Variants in SCUBE3 observed in about 807,000 individuals in gnomAD.
The protein encoded by SCUBE3 is signal peptide, CUB domain and EGF like domain containing 3, also known as signal peptide, CUB and EGF-like domain-containing protein 3.
In SCUBE3, 33 loss-of-function variants were observed where a neutral mutation model predicts 116.8. The observed-to-expected ratio is 0.28, with a 90% CI of 0.21 to 0.38. The LOEUF (loss-of-function observed/expected upper bound fraction) is 0.38. Ranked by LOEUF, SCUBE3 falls within the 10% of genes least tolerant of loss-of-function variation. The probability of loss-of-function intolerance (pLI) is 1.00; values close to 1 mark genes in which losing one functional copy is unlikely to be tolerated. For synonymous variants in SCUBE3, 418 were observed against 496.9 expected (o/e 0.84, Z 2.11); for missense variants, 1,007 against 1,324.8 (o/e 0.76, Z 3.72).
At chr6:35,230,233 A>G (rs1367339646) in intron 3 of SCUBE3, among the ~76,000 whole-genome samples, 2 of 152,228 alleles carry the variant, frequency 1.3e-5, no homozygotes, top group Non-Finnish European at 2.9e-5. Context: ...AGACCAGGAC[A>G]GTGAGTTGCC....
In SCUBE3 at chr6:35,245,829, T is replaced by C; in HGVS notation, c.2600-115T>C. On this transcript the variant is annotated intron_variant, in intron 19 of 21. Transcript: ENST00000274938. This position sits in a 1 kb window ranked among gnomAD's most constrained non-coding sequence, Gnocchi z 4.2. ...GTGTGTGTATGCGAAGGGGGAGCCT[T>C]TGTCAGAATGATTCTCTTGCCCTAT... The C allele has an allele frequency of 8.9e-7, 1 of 1,118,988 alleles. No homozygotes were observed. Among genetic ancestry groups the C allele is most frequent in the South Asian group, 1.5e-5 (1 of 67,548 alleles). The allele number at this position is 1,118,988 out of a possible 1,614,324, so 69.3% of individuals were successfully genotyped here.
chr6:35,214,922 C>A lies in SCUBE3; in HGVS notation c.85+419C>A, dbSNP rs962925505. Among the ~76,000 whole-genome samples the A allele has an allele frequency of 1.3e-5, 2 of 152,220 alleles. No homozygotes were observed. Among genetic ancestry groups the A allele is most frequent in the Non-Finnish European group, 2.9e-5 (2 of 68,034 alleles). The stretch of plus-strand genomic sequence containing the variant: ...AACTTTTCAGCCGTGCCGTATATTT[C>A]TTTCCCTTACCCCCAACCCGCATGC... On this transcript the variant is annotated intron_variant, in intron 1 of 21. Transcript: ENST00000274938. This position sits in a 1 kb window ranked among gnomAD's most constrained non-coding sequence, Gnocchi z 6.3.
chr6:35,214,475 C>G lies in SCUBE3; in HGVS notation c.57C>G (p.Arg19=). 1 of 1,507,272 alleles carries G rather than the reference C, an allele frequency of 6.6e-7. No individual in the cohort carries two copies. The highest frequency in any genetic ancestry group is 8.8e-7 in the Non-Finnish European group (1 of 1,132,344). 93.4% of individuals were successfully genotyped at this position (1,507,272 alleles called of 1,614,324 possible). ...TGCTTGTCCTGCTGGTCCACGCCCG[C>G]GCCGCCCAGTACAGCAAAGCCGCGC... The part of the protein sequence containing the change: ...LCLLVLLVHA[R]AAQYSKAAQD... The change falls in exon 1 of 22, where the codon CGC becomes CGG. Residue 19 remains arginine, a synonymous_variant. Coordinates refer to ENST00000274938, the MANE Select transcript of SCUBE3 (RefSeq NM_152753.4). The surrounding 1 kb of genome is among the most constrained non-coding windows in gnomAD (Gnocchi z 6.3).
At position 35,243,748 on chromosome 6, in the gene SCUBE3, G is replaced by A. The variant is rs374527981; in HGVS notation, c.2064G>A (p.Thr688=). The change falls in exon 16 of 22, where the codon ACG becomes ACA. Residue 688 remains threonine (T), a synonymous_variant. Coordinates refer to ENST00000274938, the MANE Select transcript of SCUBE3 (RefSeq NM_152753.4). This position sits in a 1 kb window ranked among gnomAD's most constrained non-coding sequence, Gnocchi z 6.6. Reference sequence around the variant, plus strand: ...CTCTTGGAGCCACCAACGTCACCACGTGTGCAGGTGCCAGGGGAACAAACA... The same window carrying A: ...CTCTTGGAGCCACCAACGTCACCACATGTGCAGGTGCCAGGGGAACAAACA... ...HGPLGATNVT[T]CAGQCPPGQH... is the part of the protein sequence containing the mutation. The A allele has an allele frequency of 2.5e-5, 40 of 1,613,812 alleles. No individual in the cohort carries two copies. Among genetic ancestry groups the A allele is most frequent in the South Asian group, 1.4e-4 (13 of 91,068 alleles).
rs1783423534 is a variant in SCUBE3 at position 35,228,859 on chromosome 6, G to A, written c.334+120G>A. 2.8e-6 allele frequency: 3 copies of A among 1,075,088 alleles called. No homozygotes were observed. 66.6% of individuals were successfully genotyped at this position (1,075,088 alleles called of 1,614,324 possible). Reference sequence around the variant, plus strand: ...ATCAAGAAGAGCTACATTCACAAGAGAATAAGGTCAGCCTCCCCTTTGAGA... The same window carrying A: ...ATCAAGAAGAGCTACATTCACAAGAAAATAAGGTCAGCCTCCCCTTTGAGA... On this transcript the variant is annotated intron_variant, in intron 3 of 21. Transcript: ENST00000274938. The surrounding 1 kb of genome is among the most constrained non-coding windows in gnomAD (Gnocchi z 4.9).
In SCUBE3 at chr6:35,221,624, G is replaced by C. The variant is rs143334145; in HGVS notation, c.86-5956G>C. 16 of 151,052 alleles carry C rather than the reference G, an allele frequency of 1.1e-4. No homozygotes were observed. In the East Asian group the frequency reaches 2.4e-3, roughly 22 times the overall value. 9.4% of individuals were successfully genotyped at this position (151,052 alleles called of 1,614,324 possible). A position where few individuals can be genotyped will look rare whatever the true frequency, so the allele number is the denominator to read the frequency against. ...TCCCCAGCACCTAGCACGGTGCTTC[G>C]CATGTTGGAGGTGCTCAATAACTAT... is the stretch of plus-strand genomic sequence containing the variant. On this transcript the variant is annotated intron_variant, in intron 1 of 21. Coordinates refer to ENST00000274938, the MANE Select transcript of SCUBE3 (RefSeq NM_152753.4).
Position 35,231,026 on chromosome 6 carries a change from C to G in SCUBE3, c.335-699C>G, listed in dbSNP as rs1783527200. On this transcript the variant is annotated intron_variant, in intron 3 of 21. Coordinates refer to ENST00000274938, the MANE Select transcript of SCUBE3 (RefSeq NM_152753.4). This position sits in a 1 kb window ranked among gnomAD's most constrained non-coding sequence, Gnocchi z 4.2. ...CTACTGTTCTCCCTGCCCCCCACCC[C>G]CACCATCTAGGGTGTGGCCTGGCAG... 6.6e-6 allele frequency among the ~76,000 whole-genome samples: 1 copy of G among 152,152 alleles called. No homozygotes were observed. The highest frequency in any genetic ancestry group is 2.4e-5 in the African/African-American group (1 of 41,442).
At position 35,242,793 on chromosome 6, in the gene SCUBE3, G is replaced by A. The variant is rs1219773257; in HGVS notation, c.1693+13G>A. On this transcript the variant is annotated intron_variant, in intron 14 of 21. Transcript: ENST00000274938. ...GAAGAAACCACAGGTGGGACTGGGG[G>A]CACTGTTGGGAAGAGGACTGGAAGG... 3.1e-6 allele frequency: 5 copies of A among 1,611,362 alleles called. No homozygotes were observed. Among genetic ancestry groups the A allele is most frequent in the Admixed American group, 3.3e-5 (2 of 59,946 alleles).
rs762119513 is a variant in SCUBE3 at position 35,244,188 on chromosome 6, C to T, written c.2239+58C>T. 275 of 1,482,792 alleles carry T rather than the reference C, an allele frequency of 1.9e-4. 1 individual carries two copies. Among genetic ancestry groups the T allele is most frequent in the Admixed American group, 2.7e-4 (14 of 51,926 alleles). The allele number at this position is 1,482,792 out of a possible 1,614,324, so 91.9% of individuals were successfully genotyped here. A position where few individuals can be genotyped will look rare whatever the true frequency, so the allele number is the denominator to read the frequency against. ...CCCAACCCCAACTACTCCCAAAAAA[C>T]TCTCCAATTTCCCAGAGGGGACACT... On this transcript the variant is annotated intron_variant, in intron 17 of 21. Transcript: ENST00000274938. The surrounding 1 kb of genome is among the most constrained non-coding windows in gnomAD (Gnocchi z 4.3).
Position 35,243,631 on chromosome 6 carries a change from G to A in SCUBE3, c.1947G>A (p.Thr649=), listed in dbSNP as rs1227744868. 14 of 1,613,906 alleles carry A rather than the reference G, an allele frequency of 8.7e-6. No individual in the cohort carries two copies. The highest frequency in any genetic ancestry group is 4.5e-5 in the East Asian group (2 of 44,878). The change falls in exon 16 of 22, where the codon ACG becomes ACA. Residue 649 remains threonine, a synonymous_variant. Transcript: ENST00000274938. This position sits in a 1 kb window ranked among gnomAD's most constrained non-coding sequence, Gnocchi z 6.6. ...CPQGTYYHGQ[T]EQCVPCPAGT... is the part of the protein sequence containing the mutation. Reference sequence around the variant, plus strand: ...AGGGAACGTATTACCACGGCCAGACGGAGCAGTGTGTGCCATGCCCAGCGG... The same window carrying A: ...AGGGAACGTATTACCACGGCCAGACAGAGCAGTGTGTGCCATGCCCAGCGG...
chr6:35,215,573 A>C (rs1782852701), intron 1 of SCUBE3, among the ~76,000 whole-genome samples: 1 of 152,218 alleles, frequency 6.6e-6, no homozygotes. Context: ...GCTGGGCCAG[A>C]AGGAAAGTTG....
chr6:35,218,233 C>G, intron 1 of SCUBE3: 3 of 679,596 alleles, frequency 4.4e-6, no homozygotes, highest in Non-Finnish European at 5.4e-6. Context: ...CATTCACACA[C>G]GTGTGAATGT....
At position 35,243,093 on chromosome 6, in the gene SCUBE3, A is replaced by G; in HGVS notation, c.1766A>G (p.Lys589Arg). 1 of 1,614,194 alleles carries G rather than the reference A, an allele frequency of 6.2e-7. No homozygotes were observed. Among genetic ancestry groups the G allele is most frequent in the Non-Finnish European group, 8.5e-7 (1 of 1,180,036 alleles). Residue 589 changes from lysine to arginine, a missense_variant, in exon 15 of 22, where the codon AAG becomes AGG. Lys to Arg is a conservative substitution (Grantham distance 26). Coordinates refer to ENST00000274938, the MANE Select transcript of SCUBE3 (RefSeq NM_152753.4). This position sits in a 1 kb window ranked among gnomAD's most constrained non-coding sequence, Gnocchi z 6.6. ...AAAGGATCCCTGAAGATGCTCAGAA[A>G]GTCCATCAACCAGGACCGCTTCCTG... is the stretch of plus-strand genomic sequence containing the variant. The part of the protein sequence containing the change: ...RLKGSLKMLR[K>R]SINQDRFLLR...
chr6:35,235,545 G>T lies in SCUBE3; in HGVS notation c.712+2244G>T. On this transcript the variant is annotated intron_variant, in intron 6 of 21. Transcript: ENST00000274938. The surrounding 1 kb of genome is among the most constrained non-coding windows in gnomAD (Gnocchi z 4.5). ...CTCTCACTGGCTTGCTAGGGGAAGG[G>T]CTAACCCGCTGGGGCTCCCACTAAC... is the stretch of plus-strand genomic sequence containing the variant. 9.3e-7 allele frequency: 1 copy of T among 1,079,010 alleles called. No individual in the cohort carries two copies. The highest frequency in any genetic ancestry group is 1.6e-5 in the African/African-American group (1 of 62,430). 66.8% of individuals were successfully genotyped at this position (1,079,010 alleles called of 1,614,324 possible).
In SCUBE3 at chr6:35,233,305, G is replaced by T; in HGVS notation, c.712+4G>T. On this transcript the variant is annotated splice_donor_region_variant and intron_variant, in intron 6 of 21. Transcript: ENST00000274938. The surrounding 1 kb of genome is among the most constrained non-coding windows in gnomAD (Gnocchi z 5.7). Reference sequence around the variant, plus strand: ...ACCGACGGGAAGACATGCATCGGTGGGTGAGGCCAGGGGAGAACTCAGTCC... The same window carrying T: ...ACCGACGGGAAGACATGCATCGGTGTGTGAGGCCAGGGGAGAACTCAGTCC... The T allele has an allele frequency of 6.4e-7, 1 of 1,560,166 alleles. No homozygotes were observed.
In SCUBE3 at chr6:35,233,346, G is replaced by C. The variant is rs780864114; in HGVS notation, c.712+45G>C. ...AACTCAGTCCACCTGAGATGGGGTG[G>C]GGGTGGGACCCTTTGGGAACCAGGG... On this transcript the variant is annotated intron_variant, in intron 6 of 21. Transcript: ENST00000274938. The surrounding 1 kb of genome is among the most constrained non-coding windows in gnomAD (Gnocchi z 5.7). 1.1e-5 allele frequency: 13 copies of C among 1,167,340 alleles called. No individual in the cohort carries two copies. The highest frequency in any genetic ancestry group is 1.7e-5 in the Non-Finnish European group (13 of 775,496). 72.3% of individuals were successfully genotyped at this position (1,167,340 alleles called of 1,614,324 possible).
Position 35,227,605 on chromosome 6 carries a change from T to C in SCUBE3, c.111T>C (p.Thr37=). The C allele has an allele frequency of 6.2e-7, 1 of 1,614,152 alleles. No individual in the cohort carries two copies. The highest frequency in any genetic ancestry group is 1.3e-5 in the African/African-American group (1 of 75,058). The stretch of plus-strand genomic sequence containing the variant: ...ATGTGGATGAGTGTGTGGAGGGGAC[T>C]GACAACTGCCACATCGATGCTATCT... ...AQDVDECVEG[T]DNCHIDAICQ... is the part of the protein sequence containing the mutation. The change falls in exon 2 of 22, where the codon ACT becomes ACC. Residue 37 remains threonine, a synonymous_variant. Coordinates refer to ENST00000274938, the MANE Select transcript of SCUBE3 (RefSeq NM_152753.4).
At position 35,235,868 on chromosome 6, in the gene SCUBE3, G is replaced by A. The variant is rs1197509584; in HGVS notation, c.713-2034G>A. 6.6e-6 allele frequency among the ~76,000 whole-genome samples: 1 copy of A among 151,592 alleles called. No individual in the cohort carries two copies. Among genetic ancestry groups the A allele is most frequent in the African/African-American group, 2.4e-5 (1 of 41,216 alleles). ...CATGCCCACTGTGCCACCTGAGATA[G>A]GGGTGCGATAGGATTAGATGCCATC... On this transcript the variant is annotated intron_variant, in intron 6 of 21. Transcript: ENST00000274938. This position sits in a 1 kb window ranked among gnomAD's most constrained non-coding sequence, Gnocchi z 4.5.
intron 7 of SCUBE3, among the ~76,000 whole-genome samples, chr6:35,238,808 A>G (rs1219052406): frequency 6.6e-6 from 1 of 152,204 alleles, no homozygotes; most frequent in African/African-American, 2.4e-5. Flanking sequence ...ATGATTCATT[A>G]GGTCCATATC....
Sources: gnomAD v4.1 joint callset for allele counts (sites outside exome capture counted in the v4.1 genomes callset) on GRCh38, gnomAD v4.1.1 for gene constraint, Gnocchi (gnomAD v3.1) non-coding constraint, MANE v1.5 for transcripts, NCBI Gene and HGNC (gene_info 2026-07-23, HGNC 2026-07-21) for gene names.